The following C1QTNF2 variants were observed in gnomAD, a reference collection of about 807,000 sequenced individuals.
C1QTNF2 encodes the protein C1q and TNF related 2, also known as complement C1q tumor necrosis factor-related protein 2.
A neutral mutation model predicts 17.4 loss-of-function variants in C1QTNF2; 15 were observed. The ratio of observed to expected loss-of-function variants is 0.86; its 90% CI spans 0.58 to 1.33. The LOEUF (loss-of-function observed/expected upper bound fraction) is 1.33. Among genes scored for constraint, C1QTNF2 ranks in the 40% most tolerant of loss-of-function variants. C1QTNF2 has a pLI of 0.00. For synonymous variants in C1QTNF2, 154 were observed against 163.3 expected (o/e 0.94, Z 0.44); for missense variants, 381 against 392.3 (o/e 0.97, Z 0.24).
intron 2 of C1QTNF2, 87 bp downstream of exon 2, chr5:160,354,681 A>G (rs1764006397): frequency 7.2e-7 from 1 of 1,381,940 alleles, no homozygotes; most frequent in Non-Finnish European, 1.0e-6. Flanking sequence ...GAGGATTAAT[A>G]CTAGTTTTAT....
chr5:160,365,201 G>A (rs1289683056), intron 1 of C1QTNF2, among the ~76,000 whole-genome samples: 1 of 152,204 alleles, frequency 6.6e-6, no homozygotes, highest in Non-Finnish European at 1.5e-5. Context: ...GCAGGCGGCA[G>A]GGGAAGGAAA....
intron 1 of C1QTNF2, among the ~76,000 whole-genome samples, chr5:160,358,253 G>A (rs1764087728): frequency 6.6e-6 from 1 of 152,176 alleles, no homozygotes; most frequent in Non-Finnish European, 1.5e-5. Context: ...TCCAAACCTA[G>A]AGGAAGGGAG....
Position 160,354,910 on chromosome 5 carries a change from C to T in C1QTNF2, c.102G>A (p.Leu34=), listed in dbSNP as rs1380473077. Residue 34 remains leucine, a synonymous_variant, in exon 2 of 3, where the codon CTG becomes CTA. Transcript: ENST00000652664. ...RRDFRKGSPQ[L]VCSLPGPQGP... Reference sequence around the variant, plus strand: ...CCTGGGGGCCAGGCAGGCTGCAGACCAGTTGAGGGGAGCCTTTCCGGAAGT... The same window carrying T: ...CCTGGGGGCCAGGCAGGCTGCAGACTAGTTGAGGGGAGCCTTTCCGGAAGT... 6.2e-7 allele frequency: 1 copy of T among 1,601,962 alleles called. No homozygotes were observed. Among genetic ancestry groups the T allele is most frequent in the Non-Finnish European group, 8.5e-7 (1 of 1,174,730 alleles).
intron 2 of C1QTNF2, among the ~76,000 whole-genome samples, chr5:160,350,127 A>G (rs1050625656): frequency 6.6e-6 from 1 of 152,222 alleles, no homozygotes; most frequent in African/African-American, 2.4e-5. Flanking sequence ...AGAACTGGAA[A>G]AAGCCTCTTG....
intron 1 of C1QTNF2, among the ~76,000 whole-genome samples, chr5:160,356,660 A>C (rs1330043502): frequency 1.3e-5 from 2 of 152,134 alleles, no homozygotes; most frequent in African/African-American, 4.8e-5. Context: ...GTGGCTATCC[A>C]ATCAGAGCGT....
intron 2 of C1QTNF2, among the ~76,000 whole-genome samples, chr5:160,354,430 T>G (rs1763987380): frequency 6.6e-6 from 1 of 151,108 alleles, no homozygotes; most frequent in Non-Finnish European, 1.5e-5. Flanking sequence ...AATACAAAAA[T>G]TAGCCAGGAA....
At chr5:160,363,927 C>T (rs1315041476) in intron 1 of C1QTNF2, among the ~76,000 whole-genome samples, 1 of 152,244 alleles carries the variant, frequency 6.6e-6, no homozygotes, top group African/African-American at 2.4e-5. Context: ...CAGGGCCAGT[C>T]TCCACGTGCC....
chr5:160,367,836 T>G (rs1489298129), intron 1 of C1QTNF2, among the ~76,000 whole-genome samples: 1 of 152,202 alleles, frequency 6.6e-6, no homozygotes, highest in African/African-American at 2.4e-5. Context: ...GTATCTGGGT[T>G]TGCAACCCCT....
intron 2 of C1QTNF2, among the ~76,000 whole-genome samples, chr5:160,353,581 A>G (rs142843161): frequency 3.1e-3 from 467 of 152,250 alleles, no homozygotes; most frequent in African/African-American, 0.011. Context: ...GGTCCAGGAT[A>G]CGCATGTGGC....
chr5:160,362,867 AT>A (rs1764179523), intron 1 of C1QTNF2, among the ~76,000 whole-genome samples: 1 of 152,212 alleles, frequency 6.6e-6, no homozygotes, highest in South Asian at 2.1e-4. Context: ...AGATATTAAC[AT>A]TTGCCCAGTC....
At chr5:160,355,569 C>G (rs1406016464) in intron 1 of C1QTNF2, among the ~76,000 whole-genome samples, 1 of 152,180 alleles carries the variant, frequency 6.6e-6, no homozygotes, top group Non-Finnish European at 1.5e-5. Context: ...GCTCCTCCCC[C>G]AAGCGCTTCC....
At chr5:160,354,594 AAAAGTATATATATAT>A (rs1307009343) in intron 2 of C1QTNF2, among the ~76,000 whole-genome samples, 159 bp downstream of exon 2, 1 of 43,388 alleles carries the variant, frequency 2.3e-5, no homozygotes, top group Non-Finnish European at 4.8e-5. Flanking sequence ...GAAAAAAAAA[AAAAGTATATATATAT>A]ATATATATAT....
rs1369031621 is a variant in C1QTNF2 at position 160,349,295 on chromosome 5, C to A, written c.731G>T (p.Gly244Val). 2 of 1,614,100 alleles carry A rather than the reference C, an allele frequency of 1.2e-6. No individual in the cohort carries two copies. The highest frequency in any genetic ancestry group is 4.5e-5 in the East Asian group (2 of 44,860). ...SGSTILALKQ[G>V]DEVWLQIFYS... is the part of the protein sequence containing the mutation. Reference sequence around the variant, plus strand: ...GAAGATCTGCAGCCAAACTTCGTCACCCTGCTTGAGAGCCAGGATGGTGGA... The same window carrying A: ...GAAGATCTGCAGCCAAACTTCGTCAACCTGCTTGAGAGCCAGGATGGTGGA... Residue 244 changes from glycine (G) to valine (V), a missense_variant, in exon 3 of 3, where the codon GGT (glycine) becomes GTT (valine). Gly to Val is a moderately radical substitution (Grantham distance 109). Coordinates refer to ENST00000652664, the MANE Select transcript of C1QTNF2 (RefSeq NM_031908.6). This position sits in a 1 kb window ranked among gnomAD's most constrained non-coding sequence, Gnocchi z 4.3.
intron 1 of C1QTNF2, among the ~76,000 whole-genome samples, chr5:160,361,037 A>T (rs1331873622): frequency 6.6e-6 from 1 of 151,906 alleles, no homozygotes; most frequent in Non-Finnish European, 1.5e-5. Context: ...CTCGTTATCC[A>T]CCTGCCTCGC....
chr5:160,369,240 T>G (rs549950720), intron 1 of C1QTNF2, among the ~76,000 whole-genome samples: 27 of 152,312 alleles, frequency 1.8e-4, no homozygotes, highest in African/African-American at 5.5e-4. Flanking sequence ...GTGATGAGCG[T>G]CGTTACTTTT....
chr5:160,368,132 C>A (rs183711134), intron 1 of C1QTNF2, among the ~76,000 whole-genome samples: 30 of 152,230 alleles, frequency 2.0e-4, no homozygotes, highest in Admixed American at 8.5e-4. Context: ...GATGTGTATG[C>A]GCATGTGTAT....
intron 1 of C1QTNF2, among the ~76,000 whole-genome samples, chr5:160,363,505 C>G (rs960223801): frequency 4.6e-5 from 7 of 152,238 alleles, no homozygotes; most frequent in Non-Finnish European, 8.8e-5. Context: ...AAGGACACAT[C>G]ATGATCTAAC....
In C1QTNF2 at chr5:160,349,659, G is replaced by A. The variant is rs373902281; in HGVS notation, c.367C>T (p.Pro123Ser). The A allele has an allele frequency of 6.2e-7, 1 of 1,613,624 alleles. No individual in the cohort carries two copies. The highest frequency in any genetic ancestry group is 8.5e-7 in the Non-Finnish European group (1 of 1,179,964). The stretch of plus-strand genomic sequence containing the variant: ...TTGCCCTTGGGCCCCTTCTTGCCTG[G>A]TGTGCCATGCTTCCCGGGGGTACCG... ...VNGTPGKHGT[P>S]GKKGPKGKKG... is the part of the protein sequence containing the mutation. The change falls in exon 3 of 3, where the codon CCA becomes TCA. Residue 123 changes from proline (P) to serine (S), a missense_variant. By Grantham distance (74) the Pro-to-Ser change is moderately conservative. Coordinates refer to ENST00000652664, the MANE Select transcript of C1QTNF2 (RefSeq NM_031908.6). The surrounding 1 kb of genome is among the most constrained non-coding windows in gnomAD (Gnocchi z 4.3).
chr5:160,360,394 C>T (rs977198374), intron 1 of C1QTNF2, among the ~76,000 whole-genome samples: 1 of 152,194 alleles, frequency 6.6e-6, no homozygotes, highest in African/African-American at 2.4e-5. Context: ...TGGCTGAAAT[C>T]CAGAAGAGAG....
Sources: allele counts gnomAD v4.1 joint callset (sites outside exome capture counted in the v4.1 genomes callset), GRCh38; gene constraint gnomAD v4.1.1; non-coding constraint Gnocchi (gnomAD v3.1); transcripts MANE v1.5; gene names NCBI Gene and HGNC (gene_info 2026-07-23, HGNC 2026-07-21).